The following IGF2BP3 variants were observed in gnomAD, a reference collection of about 807,000 sequenced individuals.
IGF2BP3 encodes the protein insulin like growth factor 2 mRNA binding protein 3, also known as insulin-like growth factor 2 mRNA-binding protein 3.
In IGF2BP3, 9 loss-of-function variants were observed where a neutral mutation model predicts 73.8. The ratio of observed to expected loss-of-function variants is 0.12; its 90% CI spans 0.07 to 0.21. The LOEUF (loss-of-function observed/expected upper bound fraction) is 0.21, where lower values mean the gene tolerates loss of function less well. IGF2BP3 is among the 10% of genes least tolerant of loss of function. IGF2BP3 has a pLI of 1.00. For synonymous variants in IGF2BP3, 258 were observed against 256.7 expected, an observed-to-expected ratio of 1.01 and a Z score of -0.05; for missense variants, 542 against 714.0, an observed-to-expected ratio of 0.76 and a Z score of 2.75.
At chr7:23,352,742 G>A (rs546287381) in intron 5 of IGF2BP3, among the ~76,000 whole-genome samples, 19 of 152,158 alleles carry the variant, frequency 1.2e-4, no homozygotes, top group African/African-American at 3.6e-4. Flanking sequence ...ACCTGCTTCC[G>A]GTAGTCACTG....
At chr7:23,392,789 C>T (rs1295731793) in intron 3 of IGF2BP3, among the ~76,000 whole-genome samples, 1 of 152,102 alleles carries the variant, frequency 6.6e-6, no homozygotes. Context: ...GCCACCACGC[C>T]TGGCAAATTA....
chr7:23,401,753 A>C (rs886649998), intron 3 of IGF2BP3, among the ~76,000 whole-genome samples: 1 of 150,946 alleles, frequency 6.6e-6, no homozygotes, highest in Non-Finnish European at 1.5e-5. Context: ...TTACAGAACG[A>C]GACTCGTCTC....
chr7:23,321,153 T>C (rs1229381768), intron 10 of IGF2BP3, among the ~76,000 whole-genome samples: 1 of 152,152 alleles, frequency 6.6e-6, no homozygotes, highest in Non-Finnish European at 1.5e-5. Flanking sequence ...CATTTCCATC[T>C]GAGGTACTGG....
At chr7:23,342,519 C>T (rs1401503476) in intron 9 of IGF2BP3, among the ~76,000 whole-genome samples, 1 of 151,986 alleles carries the variant, frequency 6.6e-6, no homozygotes, top group Non-Finnish European at 1.5e-5. Context: ...TAAATATAGA[C>T]AAAAAGCAAT....
In IGF2BP3 at chr7:23,470,202, C is replaced by A. The variant is rs1391461922; in HGVS notation, c.-92G>T. 8.9e-6 allele frequency: 9 copies of A among 1,014,054 alleles called. No individual in the cohort carries two copies. The highest frequency in any genetic ancestry group is 1.3e-5 in the Non-Finnish European group (9 of 689,444). The allele number at this position is 1,014,054 out of a possible 1,614,324, so 62.8% of individuals were successfully genotyped here. ...TGGATGGATCCAGCTGGTTTTGTTC[C>A]CCTCGTCTTCTCGCCTTTAAAATAC... On this transcript the variant is annotated 5_prime_UTR_variant, in exon 1 of 15. Transcript: ENST00000258729.
chr7:23,315,511 G>A (rs1202064176), intron 12 of IGF2BP3, among the ~76,000 whole-genome samples: 1 of 152,184 alleles, frequency 6.6e-6, no homozygotes, highest in Non-Finnish European at 1.5e-5. Flanking sequence ...CAGCAAAGCA[G>A]AAAGGAGCCT....
At chr7:23,373,730 C>T (rs761139222) in intron 3 of IGF2BP3, among the ~76,000 whole-genome samples, 24 of 152,244 alleles carry the variant, frequency 1.6e-4, no homozygotes, top group African/African-American at 4.8e-4. Context: ...GTGTCTTCTT[C>T]GAATCTCATG....
chr7:23,368,614 T>C (rs1374090979), intron 3 of IGF2BP3, among the ~76,000 whole-genome samples: 1 of 151,992 alleles, frequency 6.6e-6, no homozygotes, highest in Non-Finnish European at 1.5e-5. Context: ...ATTAACATAC[T>C]AGGCCGGGCG....
intron 2 of IGF2BP3, among the ~76,000 whole-genome samples, chr7:23,449,644 G>A (rs903613932): frequency 5.9e-5 from 8 of 135,600 alleles, no homozygotes; most frequent in African/African-American, 8.3e-5. Flanking sequence ...GCAAACCTCC[G>A]CCTCCCAGGC....
At chr7:23,442,594 C>T (rs1285572515) in intron 2 of IGF2BP3, among the ~76,000 whole-genome samples, 6 of 152,006 alleles carry the variant, frequency 3.9e-5, no homozygotes, top group African/African-American at 9.7e-5. Flanking sequence ...GACAGGGTTT[C>T]GCCATGTTGG....
intron 10 of IGF2BP3, among the ~76,000 whole-genome samples, chr7:23,320,858 G>C (rs1159074009): frequency 1.3e-5 from 2 of 149,158 alleles, no homozygotes; most frequent in African/African-American, 5.0e-5. Flanking sequence ...GCTGAGATGG[G>C]AGGATCACTT....
intron 10 of IGF2BP3, among the ~76,000 whole-genome samples, chr7:23,327,256 A>G (rs1370689501): frequency 1.3e-5 from 2 of 150,454 alleles, no homozygotes; most frequent in Non-Finnish European, 2.9e-5. Context: ...ACACACAGCC[A>G]TAAGACAGAT....
chr7:23,395,432 T>C (rs1486376675), intron 3 of IGF2BP3, among the ~76,000 whole-genome samples: 3 of 151,972 alleles, frequency 2.0e-5, no homozygotes, highest in Non-Finnish European at 4.4e-5. Flanking sequence ...ACGAAAACAT[T>C]TGTAAGAACT....
At chr7:23,439,554 C>CAAAA (rs11332929) in intron 2 of IGF2BP3, among the ~76,000 whole-genome samples, 13 of 56,654 alleles carry the variant, frequency 2.3e-4, no homozygotes, top group Middle Eastern at 9.6e-3. Context: ...GACTCCGTCT[C>CAAAA]AAAAAAAAAA....
chr7:23,440,651 C>T (rs1354556126), intron 2 of IGF2BP3, among the ~76,000 whole-genome samples: 1 of 152,182 alleles, frequency 6.6e-6, no homozygotes, highest in African/African-American at 2.4e-5. Flanking sequence ...CAAACATAAG[C>T]TATCCCGACA....
chr7:23,466,516 G>A (rs945511743), intron 2 of IGF2BP3, among the ~76,000 whole-genome samples: 12 of 152,248 alleles, frequency 7.9e-5, no homozygotes, highest in African/African-American at 2.9e-4. Context: ...AAATGAACTT[G>A]AAAATTTAAA....
At chr7:23,330,568 C>T (rs1233506585) in intron 10 of IGF2BP3, among the ~76,000 whole-genome samples, 1 of 151,976 alleles carries the variant, frequency 6.6e-6, no homozygotes, top group East Asian at 1.9e-4. Context: ...CATCCAGAGA[C>T]AGTCAGTTAT....
intron 3 of IGF2BP3, among the ~76,000 whole-genome samples, chr7:23,378,156 A>T (rs1042480538): frequency 2.6e-5 from 4 of 152,186 alleles, no homozygotes; most frequent in Admixed American, 2.0e-4. Flanking sequence ...CAGGATATAA[A>T]ATTATACATG....
At chr7:23,428,046 C>A (rs188155364) in intron 2 of IGF2BP3, among the ~76,000 whole-genome samples, 1 of 151,620 alleles carries the variant, frequency 6.6e-6, no homozygotes, top group Non-Finnish European at 1.5e-5. Flanking sequence ...TGTGGTGGCA[C>A]GCACCTGTAA....
Sources: gnomAD v4.1 joint callset for allele counts (sites outside exome capture counted in the v4.1 genomes callset) on GRCh38, gnomAD v4.1.1 for gene constraint, MANE v1.5 for transcripts, NCBI Gene and HGNC (gene_info 2026-07-23, HGNC 2026-07-21) for gene names.